The following FER variants were observed in gnomAD, a reference collection of about 807,000 sequenced individuals.
FER encodes the protein tyrosine-protein kinase Fer.
Under a neutral mutation model 111.0 loss-of-function variants are expected in FER, and 63 were observed. That is an observed-to-expected ratio of 0.57 (90% CI 0.46 to 0.70). The LOEUF is 0.70. Among genes scored for constraint, FER ranks in the 30% least tolerant of loss-of-function variants. FER has a pLI of 0.00. For missense variants in FER, 914 were observed against 954.0 expected, an observed-to-expected ratio of 0.96 and a Z score of 0.55; for synonymous variants, 327 against 313.9, an observed-to-expected ratio of 1.04 and a Z score of -0.44.
chr5:109,167,290 T>C (rs1273289145), intron 17 of FER, among the ~76,000 whole-genome samples: 1 of 152,184 alleles, frequency 6.6e-6, no homozygotes, highest in Non-Finnish European at 1.5e-5. Flanking sequence ...AATGGTACTT[T>C]GCAAAAACTC....
At chr5:108,832,389 T>A (rs1261958967) in intron 3 of FER, among the ~76,000 whole-genome samples, 1 of 152,160 alleles carries the variant, frequency 6.6e-6, no homozygotes, top group African/African-American at 2.4e-5. Context: ...TGGGACAATG[T>A]CTGTTGCATT....
At chr5:109,147,898 TTTG>T (rs1486351223) in intron 17 of FER, among the ~76,000 whole-genome samples, 11 of 151,526 alleles carry the variant, frequency 7.3e-5, no homozygotes, top group Non-Finnish European at 1.3e-4. Context: ...TCCAAATAAG[TTTG>T]TTCTTTTTTT....
At chr5:109,022,639 G>T (rs1014605378) in intron 13 of FER, among the ~76,000 whole-genome samples, 5 of 152,102 alleles carry the variant, frequency 3.3e-5, no homozygotes, top group African/African-American at 1.2e-4. Flanking sequence ...ATATTACCTT[G>T]TGAGGGTCAC....
chr5:109,109,305 A>G (rs927903264), intron 17 of FER, among the ~76,000 whole-genome samples: 3 of 152,162 alleles, frequency 2.0e-5, no homozygotes, highest in Non-Finnish European at 4.4e-5. Flanking sequence ...ATGTATGTGC[A>G]TATATTCACA....
intron 17 of FER, among the ~76,000 whole-genome samples, chr5:109,131,649 A>G (rs1269439680): frequency 6.6e-6 from 1 of 152,118 alleles, no homozygotes; most frequent in Non-Finnish European, 1.5e-5. Flanking sequence ...TGTGTGAGAT[A>G]TCTTTTCCCC....
chr5:109,105,315 G>A (rs1415908263), intron 17 of FER, among the ~76,000 whole-genome samples: 1 of 148,734 alleles, frequency 6.7e-6, no homozygotes, highest in Non-Finnish European at 1.5e-5. Context: ...AAAAGATTTG[G>A]TATGCTTCTG....
chr5:109,057,611 G>A (rs895134609), intron 16 of FER, among the ~76,000 whole-genome samples: 23 of 152,004 alleles, frequency 1.5e-4, no homozygotes, highest in African/African-American at 5.3e-4. Flanking sequence ...TCAGCCTCCC[G>A]GAATTTGGTA....
intron 10 of FER, among the ~76,000 whole-genome samples, chr5:108,933,791 T>A (rs112721110): frequency 0.018 from 2,697 of 152,294 alleles, 75 homozygotes; most frequent in African/African-American, 0.06. Flanking sequence ...GAGCAGTGGT[T>A]TGTAGTTCTC....
intron 2 of FER, among the ~76,000 whole-genome samples, chr5:108,769,280 T>A (rs962155924): frequency 6.6e-6 from 1 of 151,874 alleles, no homozygotes; most frequent in Non-Finnish European, 1.5e-5. Flanking sequence ...AAAGAGTGAG[T>A]GTTGGGGCAG....
At chr5:108,960,342 T>G (rs1227542168) in intron 13 of FER, among the ~76,000 whole-genome samples, 1 of 152,124 alleles carries the variant, frequency 6.6e-6, no homozygotes, top group African/African-American at 2.4e-5. Context: ...ACCTTTAATA[T>G]TTCTCTCACA....
intron 16 of FER, among the ~76,000 whole-genome samples, chr5:109,079,945 T>C (rs1207564082): frequency 6.6e-6 from 1 of 152,124 alleles, no homozygotes; most frequent in African/African-American, 2.4e-5. Flanking sequence ...AGTTTTTGTT[T>C]GCCAGCCTGT....
At chr5:109,107,142 T>C (rs892495888) in intron 17 of FER, among the ~76,000 whole-genome samples, 1 of 152,106 alleles carries the variant, frequency 6.6e-6, no homozygotes, top group East Asian at 1.9e-4. Context: ...GAAGAGAAAA[T>C]TGGCTGATGT....
At chr5:109,063,156 C>A (rs545541977) in intron 16 of FER, among the ~76,000 whole-genome samples, 84 of 152,190 alleles carry the variant, frequency 5.5e-4, no homozygotes, top group Admixed American at 1.6e-3. Context: ...TTTCAATTGT[C>A]AAAATTCGTT....
intron 13 of FER, among the ~76,000 whole-genome samples, chr5:109,003,314 G>T (rs1561755155): frequency 6.6e-6 from 1 of 152,016 alleles, no homozygotes; most frequent in East Asian, 1.9e-4. Context: ...CATGTCCTTT[G>T]AGGGACATGG....
chr5:108,994,292 T>C (rs1424819971), intron 13 of FER, among the ~76,000 whole-genome samples: 1 of 152,216 alleles, frequency 6.6e-6, no homozygotes, highest in Admixed American at 6.5e-5. Context: ...TTGTATAAGG[T>C]ATAAGGAAGG....
chr5:109,009,601 C>T (rs182955089), intron 13 of FER, among the ~76,000 whole-genome samples: 5 of 152,154 alleles, frequency 3.3e-5, no homozygotes, highest in African/African-American at 9.7e-5. Flanking sequence ...CTACCTTCTC[C>T]CTTTGCGTTT....
intron 17 of FER, among the ~76,000 whole-genome samples, chr5:109,146,290 A>ATATATATATATATC (rs1458419510): frequency 8.8e-6 from 1 of 114,046 alleles, no homozygotes; most frequent in Non-Finnish European, 1.7e-5. Flanking sequence ...ATATATATAT[A>ATATATATATATATC]TCTTGGGTAG....
At chr5:109,015,040 G>A (rs925457124) in intron 13 of FER, 26 of 151,970 alleles carry the variant, frequency 1.7e-4, no homozygotes, top group Non-Finnish European at 2.9e-4. Flanking sequence ...TATGGAATTG[G>A]TGTCTTCAGA....
chr5:109,181,996 A>G (rs1381585558), intron 18 of FER, among the ~76,000 whole-genome samples: 1 of 152,234 alleles, frequency 6.6e-6, no homozygotes, highest in Non-Finnish European at 1.5e-5. Flanking sequence ...AAATGGAATT[A>G]TACGGTATGC....
Sources: allele counts gnomAD v4.1 joint callset (sites outside exome capture counted in the v4.1 genomes callset), GRCh38; gene constraint gnomAD v4.1.1; transcripts MANE v1.5; gene names NCBI Gene and HGNC (gene_info 2026-07-23, HGNC 2026-07-21).